DMKN: variants seen among roughly 807,000 people sequenced by gnomAD.
The protein encoded by DMKN is epidermis-specific secreted protein SK30/SK89.
DMKN carries 58 observed loss-of-function variants against 67.6 expected under a neutral mutation model. The observed-to-expected ratio is 0.86, with a 90% CI of 0.69 to 1.07. The LOEUF (loss-of-function observed/expected upper bound fraction) is 1.07, where lower values mean the gene tolerates loss of function less well. DMKN is among the 50% of genes least tolerant of loss of function. DMKN has a pLI of 0.00. For synonymous variants in DMKN, 240 were observed against 232.3 expected (o/e 1.03, Z -0.30); for missense variants, 596 against 601.5 (o/e 0.99, Z 0.10).
intron 7 of DMKN, chr19:35,506,233 C>G (rs913679106): frequency 5.5e-6 from 8 of 1,457,504 alleles, no homozygotes; most frequent in Non-Finnish European, 7.2e-6. Context: ...TGCTTCCTAT[C>G]ATGCCTGCCA....
In DMKN at chr19:35,509,969, G is replaced by T. The variant is rs752563964; in HGVS notation, c.988-8C>A. On this transcript the variant is annotated splice_region_variant and splice_polypyrimidine_tract_variant and intron_variant, in intron 6 of 15. Transcript: ENST00000339686. ...ATTCCCTGGCTTTTCACACTGCCGG[G>T]GAGAGAAAGGGGAGACTTTCCCTCA... is the stretch of plus-strand genomic sequence containing the variant. 3.1e-6 allele frequency: 5 copies of T among 1,614,074 alleles called. No homozygotes were observed. In the South Asian group the frequency reaches 5.5e-5, roughly 18 times the overall value.
chr19:35,501,927 C>A, intron 11 of DMKN: 1 of 1,561,644 alleles, frequency 6.4e-7, no homozygotes. Flanking sequence ...CCCCAGCCCT[C>A]GGCCTCGGCT....
Position 35,511,489 on chromosome 19 carries a change from G to T in DMKN, c.840C>A (p.Gly280=). The T allele has an allele frequency of 9.2e-7, 1 of 1,088,900 alleles. No individual in the cohort carries two copies. Among genetic ancestry groups the T allele is most frequent in the Non-Finnish European group, 1.2e-6 (1 of 846,082 alleles). The allele number at this position is 1,088,900 out of a possible 1,614,324, so 67.5% of individuals were successfully genotyped here. The part of the protein sequence containing the change: ...GGSSSGSSSG[G]SSGGSSGGSS... The stretch of plus-strand genomic sequence containing the variant: ...TGCCACCACTGCTGCCGCCACTGCT[G>T]CCGCCACTGCTGCTGCCACTGCTGC... The change falls in exon 5 of 16, where the codon GGC becomes GGA. Residue 280 remains glycine (G), a synonymous_variant. Transcript: ENST00000339686.
At chr19:35,506,030 G>A (rs1233020897) in intron 7 of DMKN, 44 bp from the exon 8 acceptor site, 1 of 1,613,964 alleles carries the variant, frequency 6.2e-7, no homozygotes, top group Non-Finnish European at 8.5e-7. Flanking sequence ...AACCCACTTT[G>A]TGAGCCAGAG....
chr19:35,505,042 G>A (rs1276283942), intron 9 of DMKN, among the ~76,000 whole-genome samples: 3 of 149,902 alleles, frequency 2.0e-5, no homozygotes, highest in East Asian at 3.9e-4. Flanking sequence ...AAAAAAAATA[G>A]AGTGTCTCAA....
chr19:35,511,359 G>C, intron 5 of DMKN, 52 bp downstream of exon 5: 1 of 1,601,378 alleles, frequency 6.2e-7, no homozygotes, highest in South Asian at 1.1e-5. Context: ...TCCCGGCAGG[G>C]ACCACTAGGG....
chr19:35,507,271 A>T, intron 7 of DMKN: 1 of 532,582 alleles, frequency 1.9e-6, no homozygotes, highest in South Asian at 2.9e-5. Flanking sequence ...AAAAGGAAGG[A>T]AGGAATGAAT....
rs149587231 is a variant in DMKN at position 35,507,032 on chromosome 19, T to C, written c.1039-1046A>G. On this transcript the variant is annotated intron_variant, in intron 7 of 15. Transcript: ENST00000339686. ...TACGTTGCTCAGGCTGGTCTCAAAC[T>C]TCTGGGCTCAAATGATCCCCACACC... 93 of 176,228 alleles carry C rather than the reference T, an allele frequency of 5.3e-4. 2 individuals carry two copies. In the East Asian group the frequency reaches 0.014, roughly 27 times the overall value. The allele number at this position is 176,228 out of a possible 1,614,324, so 10.9% of individuals were successfully genotyped here.
At chr19:35,505,017 A>G (rs551909351) in intron 9 of DMKN, among the ~76,000 whole-genome samples, 22 of 149,344 alleles carry the variant, frequency 1.5e-4, no homozygotes, top group Non-Finnish European at 2.9e-4. Context: ...CAATTAATTC[A>G]TATTCTTAAA....
chr19:35,510,163 A>C, intron 6 of DMKN, 21 bp downstream of exon 6: 1 of 1,600,546 alleles, frequency 6.2e-7, no homozygotes, highest in Non-Finnish European at 8.5e-7. Flanking sequence ...GGTTGGTGGG[A>C]GATTCACGCC....
rs746196142 is a variant in DMKN at position 35,513,106 on chromosome 19, C to T, written c.370G>A (p.Gly124Arg). Residue 124 changes from glycine to arginine, a missense_variant, in exon 1 of 16, where the codon GGA becomes AGA. Physicochemically the swap from Gly to Arg is moderately radical, Grantham distance 125. Transcript: ENST00000339686. The part of the protein sequence containing the change: ...GRQAEDVIRH[G>R]ADAVRGSWQG... ...CAGGAGCCGCGGACAGCATCTGCTCCGTGTCGAATGACATCTTCTGCCTGT... is the reference window on the plus strand; with the variant it reads ...CAGGAGCCGCGGACAGCATCTGCTCTGTGTCGAATGACATCTTCTGCCTGT... 2.5e-5 allele frequency: 40 copies of T among 1,614,192 alleles called. No homozygotes were observed. The highest frequency in any genetic ancestry group is 1.2e-4 in the South Asian group (11 of 91,084).
chr19:35,510,861 C>A (rs1486188415), intron 5 of DMKN, among the ~76,000 whole-genome samples: 1 of 152,176 alleles, frequency 6.6e-6, no homozygotes, highest in Non-Finnish European at 1.5e-5. Context: ...GGAGAGACTG[C>A]CGGCTCTGGA....
In DMKN at chr19:35,505,925, C is replaced by A; in HGVS notation, c.1086+14G>T. 1.9e-6 allele frequency: 3 copies of A among 1,614,192 alleles called. No individual in the cohort carries two copies. Among genetic ancestry groups the A allele is most frequent in the Non-Finnish European group, 2.5e-6 (3 of 1,180,036 alleles). The stretch of plus-strand genomic sequence containing the variant: ...TCCAAATGCGAGTGAACAGAGCCAT[C>A]TCGCAGAACTCACCTTCCAGAAAGT... On this transcript the variant is annotated intron_variant, in intron 8 of 15. Coordinates refer to ENST00000339686, the MANE Select transcript of DMKN (RefSeq NM_033317.5).
intron 12 of DMKN, chr19:35,500,267 T>C (rs1312871156): frequency 7.0e-6 from 10 of 1,433,130 alleles, no homozygotes; most frequent in Non-Finnish European, 9.5e-6. Flanking sequence ...CTCCTCCTCC[T>C]GCCCTCAAGA....
At chr19:35,510,457 C>T in intron 5 of DMKN, 1 of 1,552,010 alleles carries the variant, frequency 6.4e-7, no homozygotes, top group Non-Finnish European at 8.7e-7. Flanking sequence ...CGAGGGTATT[C>T]GGAACTACGC....
At position 35,509,952 on chromosome 19, in the gene DMKN, G is replaced by A; in HGVS notation, c.997C>T (p.Pro333Ser). The A allele has an allele frequency of 6.2e-7, 1 of 1,614,128 alleles. No homozygotes were observed. Among genetic ancestry groups the A allele is most frequent in the South Asian group, 1.1e-5 (1 of 91,086 alleles). ...CCGCTCCCGCGGGCTTCATTCCCTG[G>A]CTTTTCACACTGCCGGGGAGAGAAA... ...GNGHKPGCEK[P>S]GNEARGSGES... The change falls in exon 7 of 16, where the codon CCA becomes TCA. Residue 333 changes from proline to serine, a missense_variant. By Grantham distance (74) the Pro-to-Ser change is moderately conservative. Coordinates refer to ENST00000339686, the MANE Select transcript of DMKN (RefSeq NM_033317.5).
intron 5 of DMKN, among the ~76,000 whole-genome samples, chr19:35,511,030 T>A (rs1008211787): frequency 6.6e-6 from 1 of 152,116 alleles, no homozygotes; most frequent in Non-Finnish European, 1.5e-5. Flanking sequence ...GCCCCCATTC[T>A]CCTGGGAGCT....
intron 6 of DMKN, 105 bp from the exon 7 acceptor site, chr19:35,510,066 C>T (rs2070436176): frequency 6.4e-7 from 1 of 1,573,870 alleles, no homozygotes; most frequent in Non-Finnish European, 8.7e-7. Flanking sequence ...TTCCGCTCCA[C>T]CTCCGCGGCC....
intron 10 of DMKN, 69 bp from the exon 11 acceptor site, chr19:35,502,252 G>A: frequency 6.6e-7 from 1 of 1,507,542 alleles, no homozygotes; most frequent in Non-Finnish European, 9.2e-7. Context: ...GCAGCAAATT[G>A]GGGGGATTCC....
Sources: allele counts gnomAD v4.1 joint callset (sites outside exome capture counted in the v4.1 genomes callset), GRCh38; gene constraint gnomAD v4.1.1; transcripts MANE v1.5; gene names NCBI Gene and HGNC (gene_info 2026-07-23, HGNC 2026-07-21).